Variants in C1GALT1 observed in about 807,000 individuals in gnomAD.
The protein encoded by C1GALT1 is glycoprotein-N-acetylgalactosamine 3-beta-galactosyltransferase 1.
C1GALT1 carries 11 observed loss-of-function variants against 31.0 expected under a neutral mutation model. The ratio of observed to expected loss-of-function variants is 0.36; its 90% CI spans 0.22 to 0.59. C1GALT1 has a LOEUF of 0.59. Among genes scored for constraint, C1GALT1 ranks in the 20% least tolerant of loss-of-function variants. The pLI is 0.79. For synonymous variants in C1GALT1, 175 were observed against 143.6 expected (o/e 1.22, Z -1.56); for missense variants, 424 against 425.2 (o/e 1.00, Z 0.03).
At chr7:7,210,189 G>C (rs1781928403) in intron 1 of C1GALT1, among the ~76,000 whole-genome samples, 1 of 151,974 alleles carries the variant, frequency 6.6e-6, no homozygotes, top group African/African-American at 2.4e-5. Flanking sequence ...GTGACTCTTG[G>C]AACAGTAACA....
intron 1 of C1GALT1, among the ~76,000 whole-genome samples, chr7:7,213,491 A>G (rs74592123): frequency 0.064 from 9,738 of 152,266 alleles, 380 homozygotes; most frequent in East Asian, 0.16. Context: ...GTGACTAAAC[A>G]TGTCAGATGA....
rs562583570 is a variant in C1GALT1, at chr7:7,222,759, G to A, written c.-17-11544G>A. On this transcript the variant is annotated intron_variant, in intron 1 of 3. Coordinates refer to ENST00000436587, the MANE Select transcript of C1GALT1 (RefSeq NM_020156.5). ...TTTTTAAGAAAATGTTGATATTTTC[G>A]GACAGGTATACAGAAGTATGTAGAA... Among the ~76,000 whole-genome samples, 6 of 152,130 alleles carry A rather than the reference G, an allele frequency of 3.9e-5. No homozygotes were observed. The East Asian group carries it at 1.2e-3, about 29-fold the overall frequency.
At position 7,238,866 on chromosome 7, in the gene C1GALT1, G is replaced by A. The variant is rs1361984199; in HGVS notation, c.832G>A (p.Gly278Ser). Residue 278 changes from glycine (G) to serine (S), a missense_variant, in exon 3 of 4, where the codon GGT (glycine) becomes AGT (serine). Gly to Ser is a moderately conservative substitution (Grantham distance 56). Around this residue, in one of 3 missense-constraint regions of C1GALT1, gnomAD observed 191 missense variants for 188.8 expected, o/e 1.01. Transcript: ENST00000436587. This position sits in a 1 kb window ranked among gnomAD's most constrained non-coding sequence, Gnocchi z 5.2. ...TGTGCCAGAACACCATTTAATTAAA[G>A]GTTATCTACCTAGAACGTTTTGGTA... is the stretch of plus-strand genomic sequence containing the variant. ...PFVPEHHLIK[G>S]YLPRTFWYWN... is the part of the protein sequence containing the mutation. 5 of 1,613,720 alleles carry A rather than the reference G, an allele frequency of 3.1e-6. No individual in the cohort carries two copies. Among genetic ancestry groups the A allele is most frequent in the Non-Finnish European group, 8.5e-7 (1 of 1,179,880 alleles).
intron 1 of C1GALT1, among the ~76,000 whole-genome samples, chr7:7,215,751 C>T (rs919715017): frequency 9.2e-5 from 14 of 152,086 alleles, no homozygotes; most frequent in African/African-American, 2.4e-4. Context: ...CTTCTGCTTG[C>T]AGAGCTGCCT....
At chr7:7,240,916 T>G (rs560857196) in intron 3 of C1GALT1, among the ~76,000 whole-genome samples, 1 of 152,218 alleles carries the variant, frequency 6.6e-6, no homozygotes, top group Non-Finnish European at 1.5e-5. Context: ...ACAGAAAATT[T>G]TTATCTAGCA....
At chr7:7,201,406 C>T (rs955435812) in intron 1 of C1GALT1, among the ~76,000 whole-genome samples, 3 of 152,120 alleles carry the variant, frequency 2.0e-5, no homozygotes, top group African/African-American at 7.2e-5. Context: ...AGGTGCCAGT[C>T]GGCCCCTACT....
intron 1 of C1GALT1, chr7:7,210,681 C>T (rs1172234025): frequency 6.6e-6 from 1 of 152,108 alleles, no homozygotes; most frequent in African/African-American, 2.4e-5. Flanking sequence ...GCTGGCTCTT[C>T]CACCCTGGTC....
At position 7,223,568 on chromosome 7, in the gene C1GALT1, TTTTG is replaced by T. The variant is rs1339790588; in HGVS notation, c.-17-10727_-17-10724del. On this transcript the variant is annotated intron_variant, in intron 1 of 3. Transcript: ENST00000436587. ...TGAGTTTTATGGGTTTCGTTTTTGT[TTTTG>T]TTTGTTTTTTATTATTTTGGCATGT... Among the ~76,000 whole-genome samples the T allele has an allele frequency of 1.1e-4, 16 of 152,174 alleles. 1 individual carries two copies. The South Asian group carries it at 1.9e-3, about 18-fold the overall frequency.
intron 1 of C1GALT1, among the ~76,000 whole-genome samples, chr7:7,221,633 C>T (rs111820958): frequency 5.9e-5 from 9 of 152,286 alleles, no homozygotes; most frequent in Non-Finnish European, 1.3e-4. Context: ...TAGGATGATC[C>T]CACTGGAGTG....
At chr7:7,222,673 G>C (rs1040228790) in intron 1 of C1GALT1, among the ~76,000 whole-genome samples, 5 of 152,144 alleles carry the variant, frequency 3.3e-5, no homozygotes, top group Non-Finnish European at 5.9e-5. Flanking sequence ...TACAGACTGT[G>C]GGTTAGATGA....
chr7:7,164,545 C>G (rs1188252974), intron 2 of C1GALT1, among the ~76,000 whole-genome samples: 1 of 152,096 alleles, frequency 6.6e-6, no homozygotes, highest in Non-Finnish European at 1.5e-5. Context: ...TTAGGGAAGA[C>G]TTTTAAGATC....
intron 1 of C1GALT1, among the ~76,000 whole-genome samples, chr7:7,185,597 T>C (rs911298739): frequency 6.6e-6 from 1 of 152,232 alleles, no homozygotes; most frequent in African/African-American, 2.4e-5. Context: ...AGTCTGTGAC[T>C]CTGTTATCAC....
intron 2 of C1GALT1, among the ~76,000 whole-genome samples, chr7:7,162,015 C>G (rs1214546152): frequency 6.6e-6 from 1 of 151,028 alleles, no homozygotes; most frequent in African/African-American, 2.4e-5. Context: ...TGATTATGGC[C>G]TCATTTGTGA....
At chr7:7,174,582 A>C (rs1780485369) in intron 2 of C1GALT1, among the ~76,000 whole-genome samples, 1 of 128,148 alleles carries the variant, frequency 7.8e-6, no homozygotes, top group African/African-American at 3.2e-5. Context: ...TCTCTAGTTA[A>C]AAAAGAAAAA....
chr7:7,223,191 C>G (rs534392022), intron 1 of C1GALT1, among the ~76,000 whole-genome samples: 15 of 152,244 alleles, frequency 9.9e-5, no homozygotes, highest in Non-Finnish European at 1.6e-4. Flanking sequence ...TGGAGTCTTG[C>G]TCTGTCACCC....
upstream of C1GALT1, among the ~76,000 whole-genome samples, chr7:7,181,269 GA>G (rs1780580768): frequency 6.6e-6 from 1 of 152,116 alleles, no homozygotes; most frequent in Non-Finnish European, 1.5e-5. Context: ...CGGAAAGGTG[GA>G]GGGGGAGGAG....
At chr7:7,206,435 G>C (rs1199936478) in intron 1 of C1GALT1, among the ~76,000 whole-genome samples, 1 of 152,036 alleles carries the variant, frequency 6.6e-6, no homozygotes, top group Non-Finnish European at 1.5e-5. Flanking sequence ...AATGTCTTGA[G>C]AGGCTGAGGC....
At position 7,231,662 on chromosome 7, in the gene C1GALT1, T is replaced by C. The variant is rs1249888880; in HGVS notation, c.-17-2641T>C. On this transcript the variant is annotated intron_variant, in intron 1 of 3. Coordinates refer to ENST00000436587, the MANE Select transcript of C1GALT1 (RefSeq NM_020156.5). ...AATAGTTATTTCTAAGCTAAAAATA[T>C]GAAAATCTTATTTGAGTCTTTTGGC... Among the ~76,000 whole-genome samples the C allele has an allele frequency of 7.9e-5, 12 of 152,342 alleles. No individual in the cohort carries two copies. The South Asian group carries it at 1.2e-3, about 16-fold the overall frequency.
intron 1 of C1GALT1, among the ~76,000 whole-genome samples, chr7:7,213,956 T>G (rs757674431): frequency 6.6e-6 from 1 of 152,216 alleles, no homozygotes; most frequent in African/African-American, 2.4e-5. Context: ...GCCAATTGGC[T>G]TATTTTGTAA....
Sources: gnomAD v4.1 joint callset for allele counts (sites outside exome capture counted in the v4.1 genomes callset) on GRCh38, gnomAD v4.1.1 for gene constraint, gnomAD v4.1.1 regional missense constraint, Gnocchi (gnomAD v3.1) non-coding constraint, MANE v1.5 for transcripts, NCBI Gene and HGNC (gene_info 2026-07-23, HGNC 2026-07-21) for gene names.